SYNE3: variants seen among roughly 807,000 people sequenced by gnomAD.
The protein encoded by SYNE3 is nesprin-3.
SYNE3 carries 100 observed loss-of-function variants against 111.2 expected under a neutral mutation model. The ratio of observed to expected loss-of-function variants is 0.90; its 90% CI spans 0.77 to 1.06. The LOEUF (loss-of-function observed/expected upper bound fraction) is 1.06, where lower values mean the gene tolerates loss of function less well. Among genes scored for constraint, SYNE3 ranks in the 50% least tolerant of loss-of-function variants. SYNE3 has a pLI of 0.00. For synonymous variants in SYNE3, 547 were observed against 533.9 expected (o/e 1.02, Z -0.34); for missense variants, 1,160 against 1,240.3 (o/e 0.94, Z 0.97).
At chr14:95,437,325 C>T (rs1034228556) in intron 14 of SYNE3, among the ~76,000 whole-genome samples, 1 of 152,234 alleles carries the variant, frequency 6.6e-6, no homozygotes, top group African/African-American at 2.4e-5. Context: ...ATTCAGCTAA[C>T]TTCTTGGTTA....
At chr14:95,439,845 C>G (rs1184387770) in intron 12 of SYNE3, 61 bp from the exon 13 acceptor site, 1 of 1,590,888 alleles carries the variant, frequency 6.3e-7, no homozygotes, top group African/African-American at 1.3e-5. Flanking sequence ...GTTTCTGCTC[C>G]TTGGTGTGGG....
intron 7 of SYNE3, 138 bp from the exon 8 acceptor site, chr14:95,450,243 G>A: frequency 2.0e-6 from 2 of 984,274 alleles, no homozygotes; most frequent in Non-Finnish European, 2.9e-6. Flanking sequence ...CAGTTGCTGG[G>A]AATGTCTGCA....
chr14:95,420,951 TG>T (rs1340985906), intron 17 of SYNE3, among the ~76,000 whole-genome samples: 2 of 152,156 alleles, frequency 1.3e-5, no homozygotes, highest in African/African-American at 2.4e-5. Flanking sequence ...AATTGAATCA[TG>T]GGGGCAGTTT....
At chr14:95,418,166 T>G in intron 17 of SYNE3, 140 bp from the exon 18 acceptor site, 1 of 858,134 alleles carries the variant, frequency 1.2e-6, no homozygotes, top group Non-Finnish European at 1.8e-6. Context: ...GGTTCTCATC[T>G]GTGAAACAGG....
rs1297227324 is a variant in SYNE3, at chr14:95,409,324, CG to C, written c.*8501del. 4 of 456,596 alleles carry C rather than the reference CG, an allele frequency of 8.8e-6. No individual in the cohort carries two copies. The highest frequency in any genetic ancestry group is 1.5e-5 in the South Asian group (1 of 64,568). 28.3% of individuals were successfully genotyped at this position (456,596 alleles called of 1,614,324 possible). ...GTGTCATGACCATATTGCAGGCGCTCGGGGTATGTTTTCTTCCCTCCCTTTC... is the reference window on the plus strand; with the variant it reads ...GTGTCATGACCATATTGCAGGCGCTCGGGTATGTTTTCTTCCCTCCCTTTC... On this transcript the variant is annotated 3_prime_UTR_variant, in exon 18 of 18. Coordinates refer to ENST00000682763, the MANE Select transcript of SYNE3 (RefSeq NM_152592.6).
intron 4 of SYNE3, among the ~76,000 whole-genome samples, chr14:95,463,469 T>TA (rs1566670773): frequency 6.6e-6 from 1 of 152,348 alleles, no homozygotes; most frequent in African/African-American, 2.4e-5. Flanking sequence ...AACAACTTTT[T>TA]ATCTCATCTC....
rs561918088 is a variant in SYNE3, at chr14:95,457,233, C to T, written c.733G>A (p.Gly245Ser). The T allele has an allele frequency of 1.2e-6, 2 of 1,614,152 alleles. No homozygotes were observed. The highest frequency in any genetic ancestry group is 1.3e-5 in the African/African-American group (1 of 75,034). The change falls in exon 5 of 18, where the codon GGC (glycine) becomes AGC (serine). Residue 245 changes from glycine (G) to serine (S), a missense_variant. Gly to Ser is a moderately conservative substitution (Grantham distance 56). Transcript: ENST00000682763. ...WLKAVVEKVN[G>S]CLGRNCKLPI... ...AGCTTGCAGTTCCGCCCCAGGCAGC[C>T]ATTCACCTTCTCCACCACCGCCTTC...
In SYNE3 at chr14:95,493,484, CTGAG is replaced by C. The variant is rs1396986532; in HGVS notation, c.-14-17653_-14-17650del. On this transcript the variant is annotated intron_variant, in intron 1 of 17. Coordinates refer to ENST00000682763, the MANE Select transcript of SYNE3 (RefSeq NM_152592.6). The stretch of plus-strand genomic sequence containing the variant: ...TCCGGAGCTGCAGCTGTCCCAGCTG[CTGAG>C]CCAGACTGCTTCTGAGAGCCTGACA... 2.6e-5 allele frequency among the ~76,000 whole-genome samples: 4 copies of C among 152,334 alleles called. 1 individual carries two copies. The highest frequency in any genetic ancestry group is 9.6e-5 in the African/African-American group (4 of 41,578).
At chr14:95,463,589 G>A (rs61732166) in intron 4 of SYNE3, among the ~76,000 whole-genome samples, 4,146 of 152,380 alleles carry the variant, frequency 0.027, 182 homozygotes, top group African/African-American at 0.094. Flanking sequence ...CTGGGCCAGA[G>A]GGGCAGACCT....
rs972814617 is a variant in SYNE3 at position 95,449,733 on chromosome 14, G to T, written c.1449+198C>A. 1.3e-5 allele frequency: 13 copies of T among 971,418 alleles called. No individual in the cohort carries two copies. The African/African-American group carries it at 2.3e-4, about 17-fold the overall frequency. The allele number at this position is 971,418 out of a possible 1,614,324, so 60.2% of individuals were successfully genotyped here. On this transcript the variant is annotated intron_variant, in intron 8 of 17. Transcript: ENST00000682763. ...CGGAGCCCCGGGTTAACCCCCAGGAGCCGAGCTGACCTTTGTCAGTGTAAC... is the reference window on the plus strand; with the variant it reads ...CGGAGCCCCGGGTTAACCCCCAGGATCCGAGCTGACCTTTGTCAGTGTAAC...
At position 95,414,937 on chromosome 14, in the gene SYNE3, T is replaced by A. The variant is rs1903531068; in HGVS notation, c.*2889A>T. 1 of 152,174 alleles carries A rather than the reference T, an allele frequency of 6.6e-6. No homozygotes were observed. The highest frequency in any genetic ancestry group is 1.9e-4 in the East Asian group (1 of 5,192). The allele number at this position is 152,174 out of a possible 1,614,324, so 9.4% of individuals were successfully genotyped here. Reference sequence around the variant, plus strand: ...AATACTGAAAATATCAATTCTTTTTTAAAAAACAGTTATGCAAACAAACAG... The same window carrying A: ...AATACTGAAAATATCAATTCTTTTTAAAAAAACAGTTATGCAAACAAACAG... On this transcript the variant is annotated 3_prime_UTR_variant, in exon 18 of 18. Transcript: ENST00000682763.
intron 1 of SYNE3, among the ~76,000 whole-genome samples, chr14:95,481,796 G>T (rs534437919): frequency 6.6e-6 from 1 of 152,250 alleles, no homozygotes. Context: ...CCCTTTGCCC[G>T]ATTCCAGGCC....
In SYNE3 at chr14:95,504,855, T is replaced by C. The variant is rs76720440; in HGVS notation, c.-15+11741A>G. ...AAAAAAGAAAAAAGAAAAAAGACAATAGGAGCCTCACACAATCACTCACAA... is the reference window on the plus strand; with the variant it reads ...AAAAAAGAAAAAAGAAAAAAGACAACAGGAGCCTCACACAATCACTCACAA... On this transcript the variant is annotated intron_variant, in intron 1 of 17. Transcript: ENST00000682763. Among the ~76,000 whole-genome samples the C allele has an allele frequency of 2.8e-3, 418 of 151,378 alleles. 11 individuals are homozygous for C. The East Asian group carries it at 0.067, about 24-fold the overall frequency.
At position 95,417,609 on chromosome 14, in the gene SYNE3, C is replaced by A. The variant is rs1230340333; in HGVS notation, c.*217G>T. The A allele has an allele frequency of 1.7e-6, 1 of 591,760 alleles. No individual in the cohort carries two copies. The highest frequency in any genetic ancestry group is 2.8e-5 in the East Asian group (1 of 35,442). 36.7% of individuals were successfully genotyped at this position (591,760 alleles called of 1,614,324 possible). On this transcript the variant is annotated 3_prime_UTR_variant, in exon 18 of 18. Coordinates refer to ENST00000682763, the MANE Select transcript of SYNE3 (RefSeq NM_152592.6). ...TCATATAAAAATTCTAGACATTATT[C>A]CCTAGTCACATGTAGTACACATTTA...
At chr14:95,486,272 T>C (rs991461608) in intron 1 of SYNE3, among the ~76,000 whole-genome samples, 1 of 152,008 alleles carries the variant, frequency 6.6e-6, no homozygotes, top group African/African-American at 2.4e-5. Flanking sequence ...CCAGGATGTC[T>C]GACCCCTGGT....
intron 17 of SYNE3, among the ~76,000 whole-genome samples, chr14:95,427,804 T>C (rs1885524003): frequency 6.6e-6 from 1 of 152,146 alleles, no homozygotes; most frequent in African/African-American, 2.4e-5. Context: ...AGCTGTCTTT[T>C]CTTTTATCTC....
chr14:95,465,287 A>G (rs1359004539), intron 4 of SYNE3, among the ~76,000 whole-genome samples: 1 of 152,126 alleles, frequency 6.6e-6, no homozygotes, highest in Non-Finnish European at 1.5e-5. Context: ...CGGTCAACAC[A>G]CCTATATGTA....
intron 1 of SYNE3, among the ~76,000 whole-genome samples, chr14:95,481,477 T>C (rs755015669): frequency 1.1e-4 from 16 of 152,120 alleles, no homozygotes; most frequent in Non-Finnish European, 2.2e-4. Context: ...GAGGCAATGT[T>C]AGATGTTCCT....
At chr14:95,448,152 A>G (rs1007002632) in intron 8 of SYNE3, among the ~76,000 whole-genome samples, 3 of 152,252 alleles carry the variant, frequency 2.0e-5, no homozygotes, top group African/African-American at 7.2e-5. Context: ...AAAAATTGTA[A>G]TTAAATCTTC....
Sources: gnomAD v4.1 joint callset for allele counts (sites outside exome capture counted in the v4.1 genomes callset) on GRCh38, gnomAD v4.1.1 for gene constraint, MANE v1.5 for transcripts, NCBI Gene and HGNC (gene_info 2026-07-23, HGNC 2026-07-21) for gene names.